The following ATP13A3 variants were observed in gnomAD, a reference collection of about 807,000 sequenced individuals.
ATP13A3 encodes polyamine-transporting ATPase 13A3.
ATP13A3 carries 59 observed loss-of-function variants against 158.1 expected under a neutral mutation model. The observed-to-expected ratio is 0.37, with a 90% CI of 0.30 to 0.46. The LOEUF (loss-of-function observed/expected upper bound fraction) is 0.46, where lower values mean the gene tolerates loss of function less well. Among genes scored for constraint, ATP13A3 ranks in the 20% least tolerant of loss-of-function variants. The pLI is 1.00. For missense variants in ATP13A3, 1,166 were observed against 1,525.2 expected, an observed-to-expected ratio of 0.76 and a Z score of 3.92; for synonymous variants, 491 against 504.3, an observed-to-expected ratio of 0.97 and a Z score of 0.35.
rs1721179317 is a variant in ATP13A3 at position 194,494,209 on chromosome 3, G to A, written n.587C>T. On this transcript the variant is annotated non_coding_transcript_exon_variant, in exon 2 of 33. Transcript: ENST00000687055. This position sits in a 1 kb window ranked among gnomAD's most constrained non-coding sequence, Gnocchi z 4.2. ...AGCACCCAGACTTCCACCTCCTCAT[G>A]AGCCAGGACCTTCCTCAGCCACATC... 2 of 398,504 alleles carry A rather than the reference G, an allele frequency of 5.0e-6. No homozygotes were observed. Among genetic ancestry groups the A allele is most frequent in the Non-Finnish European group, 4.4e-6 (1 of 226,118 alleles). The allele number at this position is 398,504 out of a possible 1,614,324, so 24.7% of individuals were successfully genotyped here.
At position 194,427,238 on chromosome 3, in the gene ATP13A3, C is replaced by T; in HGVS notation, c.2962G>A (p.Ala988Thr). Reference sequence around the variant, plus strand: ...CTTTGTGCCACAAGTTCTTTCCAGGCAGGATTTAAACTCACTATATTGAAA... The same window carrying T: ...CTTTGTGCCACAAGTTCTTTCCAGGTAGGATTTAAACTCACTATATTGAAA... The part of the protein sequence containing the change: ...VVVFTMSLNP[A>T]WKELVAQRPP... The change falls in exon 29 of 34, where the codon GCC (alanine) becomes ACC (threonine). Residue 988 changes from alanine (A) to threonine (T), a missense_variant. Ala to Thr is a moderately conservative substitution (Grantham distance 58). This residue lies in a region of ATP13A3 where 997 missense variants were observed against 1,341.2 expected (regional missense o/e 0.74). Transcript: ENST00000645319. 1 of 1,604,824 alleles carries T rather than the reference C, an allele frequency of 6.2e-7. No individual in the cohort carries two copies. Among genetic ancestry groups the T allele is most frequent in the South Asian group, 1.1e-5 (1 of 88,456 alleles).
In ATP13A3 at chr3:194,454,384, G is replaced by A. The variant is rs1577072253; in HGVS notation, c.639C>T (p.Asn213=). 2 of 1,610,268 alleles carry A rather than the reference G, an allele frequency of 1.2e-6. No individual in the cohort carries two copies. Among genetic ancestry groups the A allele is most frequent in the East Asian group, 4.5e-5 (2 of 44,834 alleles). Residue 213 remains asparagine, a synonymous_variant, in exon 9 of 34, where the codon AAC becomes AAT. Coordinates refer to ENST00000645319, the MANE Select transcript of ATP13A3 (RefSeq NM_001367549.1). ...TGAACAGCTGGAAAATGTAAAATGG[G>A]TTGAGAACCTAAAAAACAAGATTTT... ...VFKLLIKEVL[N]PFYIFQLFSV...
chr3:194,412,221 A>G lies in ATP13A3; in HGVS notation c.3551T>C (p.Phe1184Ser), dbSNP rs1440544936. The G allele has an allele frequency of 6.5e-7, 1 of 1,536,404 alleles. No individual in the cohort carries two copies. The highest frequency in any genetic ancestry group is 1.2e-5 in the South Asian group (1 of 84,054). Residue 1184 changes from phenylalanine (F) to serine (S), a missense_variant, in exon 33 of 34, where the codon TTC (phenylalanine) becomes TCC (serine). By Grantham distance (155) the Phe-to-Ser change is radical. Transcript: ENST00000645319. ...FNRDKQGEYR[F>S]STTQPPQESV... ...AACCTGCGGTGGCTGTGTGGTGCTG[A>G]ACCGATACTCTCCTTGTTTGTCTCG...
rs1393974592 is a variant in ATP13A3, at chr3:194,404,523, G to A, written c.*1396C>T. On this transcript the variant is annotated 3_prime_UTR_variant, in exon 34 of 34. Coordinates refer to ENST00000645319, the MANE Select transcript of ATP13A3 (RefSeq NM_001367549.1). ...GAAGAACAGAGAACAATGTCACACTGTTTTCATAGTTTAGCGTCCATTTTA... is the reference window on the plus strand; with the variant it reads ...GAAGAACAGAGAACAATGTCACACTATTTTCATAGTTTAGCGTCCATTTTA... 3 of 160,912 alleles carry A rather than the reference G, an allele frequency of 1.9e-5. No individual in the cohort carries two copies. Among genetic ancestry groups the A allele is most frequent in the African/African-American group, 7.2e-5 (3 of 41,594 alleles). 10.0% of individuals were successfully genotyped at this position (160,912 alleles called of 1,614,324 possible). A position where few individuals can be genotyped will look rare whatever the true frequency, so the allele number is the denominator to read the frequency against.
At chr3:194,447,259 C>A in intron 13 of ATP13A3, 144 bp from the exon 14 acceptor site, 2 of 644,836 alleles carry the variant, frequency 3.1e-6, no homozygotes, top group Non-Finnish European at 5.1e-6. Flanking sequence ...TATCTATTAA[C>A]CATATATAAT....
chr3:194,456,299 C>A (rs189551768), intron 7 of ATP13A3, among the ~76,000 whole-genome samples: 1 of 150,708 alleles, frequency 6.6e-6, no homozygotes, highest in Non-Finnish European at 1.5e-5. Flanking sequence ...TTATTTTTTG[C>A]AAGAAGCCAA....
At chr3:194,472,079 CAG>C (rs1720332808) in intron 2 of ATP13A3, 1 of 152,698 alleles carries the variant, frequency 6.5e-6, no homozygotes, top group South Asian at 2.1e-4. Flanking sequence ...TTACAACATC[CAG>C]AGTCAACCCT....
chr3:194,459,070 A>C (rs1413841221), intron 6 of ATP13A3: 1 of 162,648 alleles, frequency 6.1e-6, no homozygotes, highest in East Asian at 1.8e-4. Flanking sequence ...AGTAAAATTA[A>C]ATTTCTCTTT....
upstream of ATP13A3, among the ~76,000 whole-genome samples, chr3:194,487,263 G>A (rs987309954): frequency 6.6e-6 from 1 of 152,136 alleles, no homozygotes; most frequent in African/African-American, 2.4e-5. Context: ...AAATGGAACG[G>A]CAAATCCCAC....
chr3:194,427,824 C>T (rs948527004), intron 28 of ATP13A3, among the ~76,000 whole-genome samples: 2 of 152,004 alleles, frequency 1.3e-5, no homozygotes, highest in Non-Finnish European at 2.9e-5. Context: ...CTTCCTCTTA[C>T]GATATTCACA....
At chr3:194,459,350 C>A in intron 6 of ATP13A3, 121 bp downstream of exon 6, 1 of 722,790 alleles carries the variant, frequency 1.4e-6, no homozygotes, top group Non-Finnish European at 2.3e-6. Flanking sequence ...TTAATTAATA[C>A]GTGAATAGAA....
rs751005733 is a variant in ATP13A3 at position 194,415,661 on chromosome 3, C to CTTTTTTTT, written c.3403-1830_3403-1823dup. Among the ~76,000 whole-genome samples, 15 of 90,924 alleles carry CTTTTTTTT rather than the reference C, an allele frequency of 1.6e-4. 1 individual carries two copies. Among genetic ancestry groups the CTTTTTTTT allele is most frequent in the African/African-American group, 4.3e-4 (9 of 21,116 alleles). 59.6% of individuals were successfully genotyped at this position (90,924 alleles called of 152,430 possible). ...GTGCAAGGATTTACAATACCACATTCTTTTTTTTTTTTTTTTTTTTTTTTT... is the reference window on the plus strand; with the variant it reads ...GTGCAAGGATTTACAATACCACATTCTTTTTTTTTTTTTTTTTTTTTTTTTTTTTTTTT... On this transcript the variant is annotated intron_variant, in intron 31 of 33. Transcript: ENST00000645319.
At position 194,407,015 on chromosome 3, in the gene ATP13A3, G is replaced by A. The variant is rs995753366; in HGVS notation, c.3574-899C>T. ...GATGTTTTTAGTGAATTTGGCCTTA[G>A]ATAAATGATCCTTGGAGAACAAGAA... is the stretch of plus-strand genomic sequence containing the variant. On this transcript the variant is annotated intron_variant, in intron 33 of 33. Coordinates refer to ENST00000645319, the MANE Select transcript of ATP13A3 (RefSeq NM_001367549.1). Among the ~76,000 whole-genome samples the A allele has an allele frequency of 1.2e-4, 19 of 152,118 alleles. 1 individual carries two copies. The highest frequency in any genetic ancestry group is 2.4e-4 in the Non-Finnish European group (16 of 68,030).
chr3:194,441,013 T>G (rs1314090978), intron 16 of ATP13A3, among the ~76,000 whole-genome samples: 1 of 152,230 alleles, frequency 6.6e-6, no homozygotes, highest in Non-Finnish European at 1.5e-5. Flanking sequence ...ATCATCTTAC[T>G]GGCTCTGCTC....
chr3:194,443,993 G>C (rs1718223243), intron 15 of ATP13A3, among the ~76,000 whole-genome samples: 1 of 143,236 alleles, frequency 7.0e-6, no homozygotes, highest in South Asian at 2.3e-4. Context: ...TATAAGAAAT[G>C]AGAAGAATGT....
chr3:194,411,077 A>C (rs1715393317), intron 33 of ATP13A3, among the ~76,000 whole-genome samples: 1 of 150,508 alleles, frequency 6.6e-6, no homozygotes, highest in Admixed American at 6.6e-5. Context: ...AAAAAAAAAA[A>C]CTGAGGCTGA....
At chr3:194,432,631 A>G (rs1717309520) in intron 21 of ATP13A3, among the ~76,000 whole-genome samples, 1 of 152,264 alleles carries the variant, frequency 6.6e-6, no homozygotes, top group South Asian at 2.1e-4. Flanking sequence ...GTCTTGACAA[A>G]GAAGACGCAA....
chr3:194,433,715 T>C, intron 21 of ATP13A3, 57 bp downstream of exon 21: 1 of 1,595,164 alleles, frequency 6.3e-7, no homozygotes, highest in Non-Finnish European at 8.6e-7. Flanking sequence ...CTCAATATAA[T>C]ATAACTTCAG....
chr3:194,436,898 C>T (rs554453209), intron 20 of ATP13A3, among the ~76,000 whole-genome samples, 197 bp downstream of exon 20: 1 of 151,984 alleles, frequency 6.6e-6, no homozygotes, highest in East Asian at 1.9e-4. Flanking sequence ...GAGACTGTCT[C>T]TCAAAAAAAA....
Sources: gnomAD v4.1 joint callset for allele counts (sites outside exome capture counted in the v4.1 genomes callset) on GRCh38, gnomAD v4.1.1 for gene constraint, gnomAD v4.1.1 regional missense constraint, Gnocchi (gnomAD v3.1) non-coding constraint, MANE v1.5 for transcripts, NCBI Gene and HGNC (gene_info 2026-07-23, HGNC 2026-07-21) for gene names.